Variants in DCAKD observed in about 807,000 individuals in gnomAD.
The protein encoded by DCAKD is dephospho-CoA kinase domain-containing protein.
In DCAKD, 15 loss-of-function variants were observed where a neutral mutation model predicts 18.7. That is an observed-to-expected ratio of 0.80 (90% CI 0.54 to 1.24). The LOEUF is 1.24. Ranked by LOEUF, DCAKD falls within the 50% of genes most tolerant of loss-of-function variation. DCAKD has a pLI of 0.00. For synonymous variants in DCAKD, 130 were observed against 133.0 expected, an observed-to-expected ratio of 0.98 and a Z score of 0.16; for missense variants, 301 against 322.0, an observed-to-expected ratio of 0.93 and a Z score of 0.50.
chr17:45,028,788 T>A (rs1420948584), intron 4 of DCAKD, among the ~76,000 whole-genome samples: 1 of 151,644 alleles, frequency 6.6e-6, no homozygotes, highest in East Asian at 1.9e-4. Flanking sequence ...CACTGCAACT[T>A]CCACCTCCTG....
chr17:45,054,028 C>T (rs1364465498), upstream of DCAKD: 2 of 508,960 alleles, frequency 3.9e-6, no homozygotes, highest in Non-Finnish European at 3.9e-6. Context: ...AGTAATTTAA[C>T]ATCTTTCTCA....
chr17:45,032,732 G>A (rs1009747085), intron 3 of DCAKD, among the ~76,000 whole-genome samples: 4 of 151,026 alleles, frequency 2.6e-5, no homozygotes, highest in South Asian at 2.1e-4. Flanking sequence ...GCAGTGAGCC[G>A]AGATCGCTCC....
In DCAKD at chr17:45,024,050, T is replaced by C; in HGVS notation, c.*383A>G. 2 of 199,800 alleles carry C rather than the reference T, an allele frequency of 1.0e-5. No individual in the cohort carries two copies. Among genetic ancestry groups the C allele is most frequent in the Admixed American group, 5.2e-5 (1 of 19,390 alleles). 12.4% of individuals were successfully genotyped at this position (199,800 alleles called of 1,614,324 possible). ...GTGCTTAGAGAGGATTCAAGCCCAG[T>C]GAACCCTTGGCCTCCCAGCTCTGAG... is the stretch of plus-strand genomic sequence containing the variant. On this transcript the variant is annotated 3_prime_UTR_variant, in exon 5 of 5. Transcript: ENST00000651974.
At chr17:45,041,350 C>T (rs932937247) in intron 1 of DCAKD, among the ~76,000 whole-genome samples, 2 of 150,820 alleles carry the variant, frequency 1.3e-5, no homozygotes, top group African/African-American at 2.4e-5. Flanking sequence ...CTGGCTCTGT[C>T]GCCCAGGCTG....
chr17:45,037,767 C>CTTTT (rs1379583192), intron 1 of DCAKD, among the ~76,000 whole-genome samples: 1 of 110,896 alleles, frequency 9.0e-6, no homozygotes, highest in Non-Finnish European at 2.0e-5. Context: ...GCTTCAAGAG[C>CTTTT]TTTTTTTTTT....
intron 1 of DCAKD, among the ~76,000 whole-genome samples, chr17:45,038,988 A>G (rs2053368679): frequency 6.6e-6 from 1 of 152,190 alleles, no homozygotes; most frequent in African/African-American, 2.4e-5. Context: ...GCCCCTTGGG[A>G]AAACTGGAGA....
chr17:45,031,896 T>A (rs1294719395), intron 3 of DCAKD: 1 of 985,334 alleles, frequency 1.0e-6, no homozygotes, highest in Non-Finnish European at 1.2e-6. Flanking sequence ...GTTATACTCA[T>A]CAGGGAAAAA....
chr17:45,034,488 C>A lies in DCAKD; in HGVS notation c.113-98G>T, dbSNP rs1030814165. The stretch of plus-strand genomic sequence containing the variant: ...GCAAAATGATGGGGGAACTCGGGTG[C>A]TTCTTTCAGGTGGAGCAAAAGCAAA... On this transcript the variant is annotated intron_variant, in intron 2 of 4. Coordinates refer to ENST00000651974, the MANE Select transcript of DCAKD (RefSeq NM_001288655.2). 19 of 1,403,432 alleles carry A rather than the reference C, an allele frequency of 1.4e-5. No individual in the cohort carries two copies. In the African/African-American group the frequency reaches 2.7e-4, roughly 20 times the overall value. 86.9% of individuals were successfully genotyped at this position (1,403,432 alleles called of 1,614,324 possible). A position where few individuals can be genotyped will look rare whatever the true frequency, so the allele number is the denominator to read the frequency against.
intron 1 of DCAKD, among the ~76,000 whole-genome samples, chr17:45,036,548 T>A (rs2053304413): frequency 6.6e-6 from 1 of 151,784 alleles, no homozygotes; most frequent in African/African-American, 2.4e-5. Context: ...AAAATGCATC[T>A]GCAGTCCATG....
chr17:45,026,552 G>C, intron 4 of DCAKD: 2 of 931,658 alleles, frequency 2.1e-6, no homozygotes, highest in Non-Finnish European at 2.6e-6. Context: ...ATATAGAGAC[G>C]AGGTCTTGCT....
chr17:45,029,617 C>T (rs375015693), intron 4 of DCAKD, among the ~76,000 whole-genome samples: 341 of 152,280 alleles, frequency 2.2e-3, no homozygotes, highest in African/African-American at 7.6e-3. Flanking sequence ...GTCCCTTCCA[C>T]GAAACCTTCT....
At chr17:45,053,853 G>A (rs1344895992), upstream of DCAKD, among the ~76,000 whole-genome samples, 2 of 152,036 alleles carry the variant, frequency 1.3e-5, no homozygotes, top group Non-Finnish European at 2.9e-5. Flanking sequence ...ATGAGCCACG[G>A]TGCCTCACCA....
intron 1 of DCAKD, among the ~76,000 whole-genome samples, chr17:45,043,290 T>G (rs969028603): frequency 7.3e-5 from 11 of 151,644 alleles, no homozygotes; most frequent in South Asian, 6.2e-4. Context: ...TGACTACTCA[T>G]GGGGTCGTGT....
At chr17:45,049,804 C>T (rs2143376762) in intron 1 of DCAKD, among the ~76,000 whole-genome samples, 1 of 145,688 alleles carries the variant, frequency 6.9e-6, no homozygotes, top group East Asian at 2.1e-4. Context: ...ACTGCAACCT[C>T]TGCTTCCTGA....
chr17:45,034,305 G>A lies in DCAKD; in HGVS notation c.198C>T (p.Arg66=). 6.2e-7 allele frequency: 1 copy of A among 1,614,174 alleles called. No homozygotes were observed. The highest frequency in any genetic ancestry group is 1.1e-5 in the South Asian group (1 of 91,080). The change falls in exon 3 of 5, where the codon CGC becomes CGT. Residue 66 remains arginine, a synonymous_variant. Transcript: ENST00000651974. The part of the protein sequence containing the change: ...EVLLENGDIN[R]KVLGDLIFNQ... ...TAAAGATCAGGTCCCCCAGGACCTT[G>A]CGATTTATGTCGCCGTTCTCCAGCA...
At chr17:45,048,826 C>G (rs1442769246) in intron 1 of DCAKD, among the ~76,000 whole-genome samples, 2 of 149,386 alleles carry the variant, frequency 1.3e-5, no homozygotes, top group East Asian at 2.0e-4. Flanking sequence ...AAAGAAAGAA[C>G]CATAAAAATA....
chr17:45,034,503 G>T, intron 2 of DCAKD, 113 bp from the exon 3 acceptor site: 1 of 1,217,200 alleles, frequency 8.2e-7, no homozygotes, highest in African/African-American at 1.5e-5. Flanking sequence ...TTCAGGTGGA[G>T]CAAAAGCAAA....
chr17:45,045,819 A>G (rs778234224), intron 1 of DCAKD, among the ~76,000 whole-genome samples: 2 of 151,940 alleles, frequency 1.3e-5, no homozygotes, highest in Non-Finnish European at 2.9e-5. Flanking sequence ...GGAACTCAAC[A>G]TTAACTTTTT....
At chr17:45,061,050 G>C in exon 1 of DCAKD, 1 of 1,210,028 alleles carries the variant, frequency 8.3e-7, no homozygotes, top group Non-Finnish European at 1.0e-6. Context: ...CGGCCGCCCG[G>C]TTCCCAAGGG....
Sources: allele counts gnomAD v4.1 joint callset (sites outside exome capture counted in the v4.1 genomes callset), GRCh38; gene constraint gnomAD v4.1.1; transcripts MANE v1.5; gene names NCBI Gene and HGNC (gene_info 2026-07-23, HGNC 2026-07-21).